DAB1: variants seen among roughly 807,000 people sequenced by gnomAD.
The protein encoded by DAB1 is DAB adaptor protein 1, also known as disabled homolog 1.
Under a neutral mutation model 64.6 loss-of-function variants are expected in DAB1, and 15 were observed. The ratio of observed to expected loss-of-function variants is 0.23; its 90% CI spans 0.16 to 0.36. DAB1 has a LOEUF of 0.36. DAB1 is among the 10% of genes least tolerant of loss of function. DAB1 has a pLI of 1.00. For synonymous variants in DAB1, 235 were observed against 251.9 expected (o/e 0.93, Z 0.64); for missense variants, 596 against 706.7 (o/e 0.84, Z 1.78).
chr1:58,062,065 G>C (rs1416579739), intron 5 of DAB1, among the ~76,000 whole-genome samples: 5 of 152,200 alleles, frequency 3.3e-5, no homozygotes, highest in Admixed American at 6.5e-5. Context: ...CCTTGGGCTA[G>C]AACTAATTTT....
At chr1:57,532,599 T>C (rs1181792824) in intron 7 of DAB1, among the ~76,000 whole-genome samples, 10 of 152,208 alleles carry the variant, frequency 6.6e-5, no homozygotes, top group Non-Finnish European at 1.2e-4. Context: ...TTCTATCCTG[T>C]TTGTGATATG....
chr1:57,059,657 G>T (rs976322850), intron 9 of DAB1, among the ~76,000 whole-genome samples: 2 of 151,926 alleles, frequency 1.3e-5, no homozygotes, highest in Non-Finnish European at 2.9e-5. Context: ...GTGGTATTCG[G>T]TATTACCTCC....
chr1:57,640,953 C>G (rs1226796970), intron 7 of DAB1, among the ~76,000 whole-genome samples: 1 of 152,126 alleles, frequency 6.6e-6, no homozygotes, highest in Non-Finnish European at 1.5e-5. Context: ...AGATGAAATT[C>G]CTATAGAAAT....
At chr1:57,870,927 C>T (rs931236932) in intron 1 of DAB1, among the ~76,000 whole-genome samples, 6 of 152,190 alleles carry the variant, frequency 3.9e-5, no homozygotes, top group Admixed American at 1.3e-4. Flanking sequence ...GAGAATTTAT[C>T]AATTGCAAAG....
intron 7 of DAB1, among the ~76,000 whole-genome samples, chr1:57,542,368 C>T (rs1644812215): frequency 1.3e-5 from 2 of 151,298 alleles, no homozygotes; most frequent in South Asian, 4.2e-4. Flanking sequence ...CAGTGGGCCA[C>T]ACCCCCTAGG....
At chr1:57,299,000 T>C (rs1351576731) in intron 1 of DAB1, among the ~76,000 whole-genome samples, 1 of 152,202 alleles carries the variant, frequency 6.6e-6, no homozygotes, top group East Asian at 1.9e-4. Context: ...GCAGTGTCTC[T>C]ATAAAATTCT....
chr1:57,460,629 T>C (rs958364254), intron 7 of DAB1, among the ~76,000 whole-genome samples: 1 of 152,168 alleles, frequency 6.6e-6, no homozygotes, highest in African/African-American at 2.4e-5. Flanking sequence ...CTGTGAACAA[T>C]TCATTATATT....
chr1:57,038,991 G>C (rs199593616), intron 9 of DAB1, among the ~76,000 whole-genome samples: 1 of 152,146 alleles, frequency 6.6e-6, no homozygotes, highest in Non-Finnish European at 1.5e-5. Flanking sequence ...TGGATTCTTG[G>C]CCTTCTCAAC....
intron 2 of DAB1, among the ~76,000 whole-genome samples, chr1:57,218,086 C>T (rs1278210386): frequency 6.6e-6 from 1 of 152,086 alleles, no homozygotes; most frequent in Non-Finnish European, 1.5e-5. Flanking sequence ...TGTAGGAATG[C>T]AGAGAAGAAT....
At chr1:58,513,350 A>G (rs550956034) in intron 2 of DAB1, among the ~76,000 whole-genome samples, 117 of 152,300 alleles carry the variant, frequency 7.7e-4, no homozygotes, top group African/African-American at 2.6e-3. Context: ...TCTTTCCTTT[A>G]TAAATTACCC....
intron 6 of DAB1, among the ~76,000 whole-genome samples, chr1:57,806,226 G>C (rs1651356450): frequency 6.6e-6 from 1 of 152,160 alleles, no homozygotes; most frequent in Admixed American, 6.5e-5. Context: ...TTTGGGGCCT[G>C]TTATGAGTTG....
intron 4 of DAB1, among the ~76,000 whole-genome samples, chr1:58,318,444 C>G (rs948495109): frequency 2.0e-5 from 3 of 152,354 alleles, no homozygotes; most frequent in African/African-American, 7.2e-5. Flanking sequence ...GACGGGCTGA[C>G]TCTAAGAAGG....
chr1:57,684,414 C>A (rs918646597), intron 6 of DAB1, among the ~76,000 whole-genome samples: 1 of 152,120 alleles, frequency 6.6e-6, no homozygotes, highest in Non-Finnish European at 1.5e-5. Context: ...CTCTATCAGG[C>A]TGGCAGCACA....
At chr1:57,596,044 G>GT (rs1181363635) in intron 7 of DAB1, among the ~76,000 whole-genome samples, 3 of 152,054 alleles carry the variant, frequency 2.0e-5, no homozygotes, top group African/African-American at 2.4e-5. Flanking sequence ...TTTATTTGTT[G>GT]TTTTTTTCTA....
intron 5 of DAB1, among the ~76,000 whole-genome samples, chr1:57,898,661 C>A (rs11582953): frequency 0.25 from 37,542 of 152,056 alleles, 5,425 homozygotes; most frequent in Non-Finnish European, 0.32. Context: ...CCCAGCACAC[C>A]GCTTCTCAGC....
At chr1:57,599,029 G>A (rs1322553425) in intron 7 of DAB1, among the ~76,000 whole-genome samples, 1 of 151,488 alleles carries the variant, frequency 6.6e-6, no homozygotes, top group Non-Finnish European at 1.5e-5. Flanking sequence ...CTCCAGGCAT[G>A]TTTTTATTTT....
At chr1:57,398,475 C>T (rs1404755136) in intron 1 of DAB1, among the ~76,000 whole-genome samples, 1 of 152,224 alleles carries the variant, frequency 6.6e-6, no homozygotes, top group Non-Finnish European at 1.5e-5. Flanking sequence ...ATGCCAGAGA[C>T]TTAATTGTTT....
intron 4 of DAB1, among the ~76,000 whole-genome samples, chr1:58,191,307 G>A (rs1657375494): frequency 1.3e-5 from 2 of 152,154 alleles, no homozygotes; most frequent in South Asian, 4.1e-4. Flanking sequence ...TACAGATGAG[G>A]AAATGGAGGT....
chr1:57,811,491 T>C (rs1187443713), intron 6 of DAB1, among the ~76,000 whole-genome samples: 2 of 152,222 alleles, frequency 1.3e-5, no homozygotes, highest in East Asian at 3.9e-4. Context: ...TCCCAAAAAG[T>C]TGAGCAGATG....
Sources: allele counts gnomAD v4.1 joint callset (sites outside exome capture counted in the v4.1 genomes callset), GRCh38; gene constraint gnomAD v4.1.1; transcripts MANE v1.5; gene names NCBI Gene and HGNC (gene_info 2026-07-23, HGNC 2026-07-21).